The following SLC22A3 variants were observed in gnomAD, a reference collection of about 807,000 sequenced individuals.
The protein encoded by SLC22A3 is EMT organic cation transporter 3.
SLC22A3 carries 51 observed loss-of-function variants against 59.1 expected under a neutral mutation model. The observed-to-expected ratio is 0.86, with a 90% confidence interval of 0.69 to 1.09. The LOEUF (loss-of-function observed/expected upper bound fraction) is 1.09. SLC22A3 is among the 50% of genes least tolerant of loss of function. The pLI is 0.00. For synonymous variants in SLC22A3, 325 were observed against 292.0 expected (o/e 1.11, Z -1.15); for missense variants, 711 against 726.3 (o/e 0.98, Z 0.24).
chr6:160,410,660 A>G, intron 4 of SLC22A3, 69 bp from the exon 5 acceptor site: 1 of 963,670 alleles, frequency 1.0e-6, no homozygotes, highest in Admixed American at 1.7e-5. Flanking sequence ...TGATAGAAAA[A>G]CTCAAGGCAA....
At chr6:160,447,878 G>T in intron 10 of SLC22A3, 60 bp downstream of exon 10, 1 of 1,223,006 alleles carries the variant, frequency 8.2e-7, no homozygotes, top group South Asian at 1.2e-5. Context: ...ACGGGGGAAA[G>T]AATGACATTG....
Position 160,443,678 on chromosome 6 carries a change from C to A in SLC22A3, c.1446C>A (p.Ile482=), listed in dbSNP as rs1257967822. The A allele has an allele frequency of 6.2e-7, 1 of 1,614,002 alleles. No individual in the cohort carries two copies. The highest frequency in any genetic ancestry group is 1.7e-5 in the Admixed American group (1 of 60,034). The change falls in exon 9 of 11, where the codon ATC becomes ATA. Residue 482 remains isoleucine, a synonymous_variant. Coordinates refer to ENST00000275300, the MANE Select transcript of SLC22A3 (RefSeq NM_021977.4). ...CAGGTCTGTGTGATTTTGGGGGAAT[C>A]ATAGCCCCATTTCTGCTCTTTCGGC... ...LCSGLCDFGG[I]IAPFLLFRLA...
chr6:160,381,481 C>G (rs377583361), intron 1 of SLC22A3, among the ~76,000 whole-genome samples: 134 of 152,284 alleles, frequency 8.8e-4, no homozygotes, highest in African/African-American at 3.1e-3. Flanking sequence ...CTGTGCACAA[C>G]TCTAATTAAC....
chr6:160,430,241 A>G (rs183425169), intron 5 of SLC22A3, among the ~76,000 whole-genome samples: 2 of 151,930 alleles, frequency 1.3e-5, no homozygotes, highest in Non-Finnish European at 2.9e-5. Flanking sequence ...ATATTTGAAT[A>G]TTATTATTCT....
At chr6:160,436,494 C>T (rs1788337810) in intron 5 of SLC22A3, among the ~76,000 whole-genome samples, 1 of 152,152 alleles carries the variant, frequency 6.6e-6, no homozygotes, top group Non-Finnish European at 1.5e-5. Flanking sequence ...TCTCATTTCC[C>T]CCAATGTAAT....
At chr6:160,404,389 T>C (rs967896459) in intron 2 of SLC22A3, among the ~76,000 whole-genome samples, 6 of 151,968 alleles carry the variant, frequency 3.9e-5, no homozygotes, top group Non-Finnish European at 8.8e-5. Flanking sequence ...TAACAACATA[T>C]GTACAAGATT....
intron 5 of SLC22A3, among the ~76,000 whole-genome samples, chr6:160,427,173 G>T (rs1787993180): frequency 1.3e-5 from 2 of 152,152 alleles, no homozygotes; most frequent in South Asian, 2.1e-4. Flanking sequence ...AGCTGATGGG[G>T]AAGGTTGAGG....
At chr6:160,358,793 C>A (rs1437969058) in intron 1 of SLC22A3, among the ~76,000 whole-genome samples, 2 of 152,192 alleles carry the variant, frequency 1.3e-5, no homozygotes, top group Non-Finnish European at 2.9e-5. Flanking sequence ...TCTGGGGTTG[C>A]TGGATGTGGA....
At chr6:160,367,094 G>T (rs1785231210) in intron 1 of SLC22A3, among the ~76,000 whole-genome samples, 1 of 152,112 alleles carries the variant, frequency 6.6e-6, no homozygotes, top group Non-Finnish European at 1.5e-5. Flanking sequence ...CCATTCTTAT[G>T]CTGCTAATAA....
chr6:160,444,621 C>G (rs1040756625), intron 9 of SLC22A3, among the ~76,000 whole-genome samples: 14 of 152,304 alleles, frequency 9.2e-5, no homozygotes, highest in African/African-American at 3.1e-4. Context: ...CAGTGTCCCA[C>G]TTCTCCAGGG....
At chr6:160,400,655 A>AACAC (rs55746106) in intron 2 of SLC22A3, among the ~76,000 whole-genome samples, 9 of 149,380 alleles carry the variant, frequency 6.0e-5, no homozygotes, top group Non-Finnish European at 8.9e-5. Flanking sequence ...TAAAAGCCAA[A>AACAC]ACACACACAC....
intron 2 of SLC22A3, among the ~76,000 whole-genome samples, chr6:160,406,003 G>A (rs1056746088): frequency 1.3e-5 from 2 of 152,070 alleles, no homozygotes; most frequent in Admixed American, 6.6e-5. Flanking sequence ...TGGTGGATAC[G>A]TGTCATTATA....
At chr6:160,399,819 A>C (rs543473576) in intron 2 of SLC22A3, among the ~76,000 whole-genome samples, 2 of 152,294 alleles carry the variant, frequency 1.3e-5, no homozygotes, top group East Asian at 3.9e-4. Flanking sequence ...AAACTGAAAA[A>C]TCAATAATTC....
intron 1 of SLC22A3, among the ~76,000 whole-genome samples, chr6:160,383,942 G>T (rs932884321): frequency 3.9e-5 from 6 of 152,088 alleles, no homozygotes; most frequent in African/African-American, 1.2e-4. Context: ...ATCAGTTTTG[G>T]TGGGGGGGAT....
chr6:160,404,808 AACTGACCTTTGACAAAGC>A (rs1786937631), intron 2 of SLC22A3, among the ~76,000 whole-genome samples: 1 of 151,962 alleles, frequency 6.6e-6, no homozygotes, highest in Admixed American at 6.6e-5. Context: ...AAATATAGTC[AACTGACCTTTGACAAAGC>A]AGAAAACAAA....
At chr6:160,389,934 G>C (rs1460369725) in intron 1 of SLC22A3, among the ~76,000 whole-genome samples, 1 of 152,190 alleles carries the variant, frequency 6.6e-6, no homozygotes, top group Non-Finnish European at 1.5e-5. Flanking sequence ...CCTTGGGTGG[G>C]ATTCTGTGTG....
chr6:160,386,814 T>C (rs982605630), intron 1 of SLC22A3, among the ~76,000 whole-genome samples: 1 of 152,236 alleles, frequency 6.6e-6, no homozygotes, highest in Non-Finnish European at 1.5e-5. Flanking sequence ...GAGCCTCTTA[T>C]GGGACTGGAA....
At chr6:160,403,801 A>T (rs933742954) in intron 2 of SLC22A3, among the ~76,000 whole-genome samples, 6 of 151,976 alleles carry the variant, frequency 3.9e-5, no homozygotes, top group Admixed American at 3.9e-4. Flanking sequence ...CGACAAACTA[A>T]GGAAGAAAAA....
Position 160,348,685 on chromosome 6 carries a change from G to A in SLC22A3, c.266G>A (p.Arg89His). Residue 89 changes from arginine (R) to histidine (H), a missense_variant, in exon 1 of 11, where the codon CGC (arginine) becomes CAC (histidine). By Grantham distance (29) the Arg-to-His change is conservative. Coordinates refer to ENST00000275300, the MANE Select transcript of SLC22A3 (RefSeq NM_021977.4). ...CCAGAGCCCCCCGAGCGCCGCGGCC[G>A]CTGCCAGCGCTACCTCCTGGAGGCG... ...RGPEPPERRG[R>H]CQRYLLEAAN... 1.3e-6 allele frequency: 2 copies of A among 1,506,774 alleles called. No homozygotes were observed. The highest frequency in any genetic ancestry group is 1.2e-5 in the South Asian group (1 of 80,840). The allele number at this position is 1,506,774 out of a possible 1,614,324, so 93.3% of individuals were successfully genotyped here.
Sources: allele counts gnomAD v4.1 joint callset (sites outside exome capture counted in the v4.1 genomes callset), GRCh38; gene constraint gnomAD v4.1.1; transcripts MANE v1.5; gene names NCBI Gene and HGNC (gene_info 2026-07-23, HGNC 2026-07-21).